The following TRMT44 variants were observed in gnomAD, a reference collection of about 807,000 sequenced individuals.
TRMT44 encodes the protein probable tRNA (uracil-O(2)-)-methyltransferase.
TRMT44 carries 78 observed loss-of-function variants against 77.3 expected under a neutral mutation model. That is an observed-to-expected ratio of 1.01 (90% CI 0.84 to 1.22). The LOEUF is 1.22. TRMT44 is among the 50% of genes most tolerant of loss of function. The pLI is 0.00. For missense variants in TRMT44, 1,090 were observed against 964.4 expected, an observed-to-expected ratio of 1.13 and a Z score of -1.73; for synonymous variants, 391 against 383.3, an observed-to-expected ratio of 1.02 and a Z score of -0.23.
chr4:8,487,862 C>G (rs1440679302), intron 2 of TRMT44, among the ~76,000 whole-genome samples: 3 of 152,148 alleles, frequency 2.0e-5, no homozygotes, highest in Non-Finnish European at 2.9e-5. Context: ...ACCTCTGAAA[C>G]CTGGGTGAAT....
At chr4:8,503,911 G>A in the TRMT44 span, among the ~76,000 whole-genome samples, 7 of 152,290 alleles carry the variant, frequency 4.6e-5, no homozygotes, top group Non-Finnish European at 7.4e-5. Flanking sequence ...GCCCTCACAC[G>A]CACCTCGGTG....
At position 8,451,375 on chromosome 4, in the gene TRMT44, A is replaced by G. The variant is rs1452243015; in HGVS notation, c.955-585A>G. 2.0e-5 allele frequency among the ~76,000 whole-genome samples: 3 copies of G among 152,296 alleles called. 1 individual carries two copies. The highest frequency in any genetic ancestry group is 4.8e-5 in the African/African-American group (2 of 41,558). ...GAAATTTCAACTTTTAACATTGGCC[A>G]TTGGTTTTTCCTGTTTTGCCTAATG... On this transcript the variant is annotated intron_variant, in intron 3 of 10. Transcript: ENST00000389737. The surrounding 1 kb of genome is among the most constrained non-coding windows in gnomAD (Gnocchi z 4.1).
chr4:8,475,806 A>G lies in TRMT44; in HGVS notation c.2079A>G (p.Arg693=), dbSNP rs1424363264. 6.2e-7 allele frequency: 1 copy of G among 1,614,032 alleles called. No individual in the cohort carries two copies. The highest frequency in any genetic ancestry group is 1.3e-5 in the African/African-American group (1 of 74,926). The change falls in exon 11 of 11, where the codon CGA becomes CGG. Residue 693 remains arginine (R), a synonymous_variant. Transcript: ENST00000389737. ...GGAGAGTTCACATCCGCGACTGGCG[A>G]GAGGAGACACTGTGGAAGACAAAGC... is the stretch of plus-strand genomic sequence containing the variant. The part of the protein sequence containing the change: ...VNGRVHIRDW[R]EETLWKTKQP...
rs1357679322 is a variant in TRMT44, at chr4:8,441,180, C to T, written c.358C>T (p.Pro120Ser). The change falls in exon 1 of 11, where the codon CCC becomes TCC. Residue 120 changes from proline (P) to serine (S), a missense_variant. Physicochemically the swap from Pro to Ser is moderately conservative, Grantham distance 74. Coordinates refer to ENST00000389737, the MANE Select transcript of TRMT44 (RefSeq NM_152544.3). ...GGCACAGAGGGAAGCCGCCTCAGTG[C>T]CCCTGAGGGACTCCGGGCACCCCGG... The part of the protein sequence containing the change: ...EEAQREAASV[P>S]LRDSGHPGHA... 1.3e-6 allele frequency: 2 copies of T among 1,533,168 alleles called. No individual in the cohort carries two copies. Among genetic ancestry groups the T allele is most frequent in the African/African-American group, 1.4e-5 (1 of 73,160 alleles). 95.0% of individuals were successfully genotyped at this position (1,533,168 alleles called of 1,614,324 possible).
At chr4:8,479,203 C>G (rs1050558770), downstream of TRMT44, 11 of 152,168 alleles carry the variant, frequency 7.2e-5, no homozygotes, top group African/African-American at 2.7e-4. Context: ...AAGCTGAGCC[C>G]TCTGCTGACT....
downstream of TRMT44, among the ~76,000 whole-genome samples, chr4:8,481,243 C>T (rs544757940): frequency 1.3e-5 from 2 of 152,360 alleles, no homozygotes; most frequent in South Asian, 4.1e-4. Context: ...AAGCTTCCCT[C>T]CCCTGCTCCG....
chr4:8,447,513 G>A (rs1031316197), intron 2 of TRMT44, among the ~76,000 whole-genome samples: 6 of 152,166 alleles, frequency 3.9e-5, no homozygotes, highest in Non-Finnish European at 8.8e-5. Context: ...GGGATGTGGC[G>A]AGAAGAGCAT....
In TRMT44 at chr4:8,441,449, T is replaced by G. The variant is rs1241587582; in HGVS notation, c.619+8T>G. Reference sequence around the variant, plus strand: ...GGGAAATAGTCGTGCAAGGTAAGAGTGTTTTGATAGTGGACGGATATGATT... The same window carrying G: ...GGGAAATAGTCGTGCAAGGTAAGAGGGTTTTGATAGTGGACGGATATGATT... On this transcript the variant is annotated splice_region_variant and intron_variant, in intron 1 of 10. Transcript: ENST00000389737. The G allele has an allele frequency of 9.4e-6, 14 of 1,495,614 alleles. No individual in the cohort carries two copies. The highest frequency in any genetic ancestry group is 1.2e-5 in the Non-Finnish European group (14 of 1,121,684). 92.6% of individuals were successfully genotyped at this position (1,495,614 alleles called of 1,614,324 possible). A position where few individuals can be genotyped will look rare whatever the true frequency, so the allele number is the denominator to read the frequency against.
intron 1 of TRMT44, among the ~76,000 whole-genome samples, chr4:8,445,283 C>T (rs1016563315): frequency 7.2e-5 from 11 of 152,264 alleles, no homozygotes; most frequent in East Asian, 1.9e-4. Context: ...TGGGCCATCA[C>T]GCCTGGTCCT....
At chr4:8,486,480 G>A (rs1436031822) in intron 2 of TRMT44, among the ~76,000 whole-genome samples, 14 of 152,038 alleles carry the variant, frequency 9.2e-5, no homozygotes, top group Non-Finnish European at 2.1e-4. Context: ...TTATTTATTG[G>A]ATTTTATTTA....
chr4:8,506,344 C>A, the TRMT44 span, among the ~76,000 whole-genome samples: 1 of 152,204 alleles, frequency 6.6e-6, no homozygotes, highest in Non-Finnish European at 1.5e-5. Flanking sequence ...TTCTCCTAAA[C>A]CCTCTGTTAC....
intron 7 of TRMT44, 137 bp from the exon 8 acceptor site, chr4:8,465,241 A>G: frequency 1.2e-6 from 1 of 840,464 alleles, no homozygotes; most frequent in South Asian, 1.7e-5. Context: ...ATATGCAACA[A>G]AAAGAAACAA....
chr4:8,467,695 G>A (rs1258402017), intron 8 of TRMT44, among the ~76,000 whole-genome samples: 1 of 152,182 alleles, frequency 6.6e-6, no homozygotes, highest in African/African-American at 2.4e-5. Flanking sequence ...TGGCCAGGCT[G>A]GTCTGAAACT....
rs1309449630 is a variant in TRMT44, at chr4:8,451,324, T to C, written c.955-636T>C. Among the ~76,000 whole-genome samples the C allele has an allele frequency of 6.6e-6, 1 of 152,236 alleles. No individual in the cohort carries two copies. Among genetic ancestry groups the C allele is most frequent in the African/African-American group, 2.4e-5 (1 of 41,444 alleles). Reference sequence around the variant, plus strand: ...TTCTAGTGGGATGGTTCATCTGTATTGTCTAAGGCGCTGTGACTGGAAATA... The same window carrying C: ...TTCTAGTGGGATGGTTCATCTGTATCGTCTAAGGCGCTGTGACTGGAAATA... On this transcript the variant is annotated intron_variant, in intron 3 of 10. Transcript: ENST00000389737. The surrounding 1 kb of genome is among the most constrained non-coding windows in gnomAD (Gnocchi z 4.1).
intron 8 of TRMT44, among the ~76,000 whole-genome samples, chr4:8,467,262 C>T (rs1726635822): frequency 6.6e-6 from 1 of 152,194 alleles, no homozygotes; most frequent in African/African-American, 2.4e-5. Flanking sequence ...GCATGTGCCC[C>T]CGCCGGGCGG....
At chr4:8,469,478 C>T (rs1726836446) in intron 9 of TRMT44, among the ~76,000 whole-genome samples, 1 of 152,206 alleles carries the variant, frequency 6.6e-6, no homozygotes, top group South Asian at 2.1e-4. Context: ...TTCCCACGTG[C>T]AGTAAACAGT....
rs1298134144 is a variant in TRMT44 at position 8,444,858 on chromosome 4, C to T, written c.620-1618C>T. 1.3e-5 allele frequency among the ~76,000 whole-genome samples: 2 copies of T among 152,172 alleles called. No homozygotes were observed. Among genetic ancestry groups the T allele is most frequent in the East Asian group, 1.9e-4 (1 of 5,204 alleles). Reference sequence around the variant, plus strand: ...TCATGTACCCTGTAAATATATATACCTGCTATGTACCCACAAAAATGAAAA... The same window carrying T: ...TCATGTACCCTGTAAATATATATACTTGCTATGTACCCACAAAAATGAAAA... On this transcript the variant is annotated intron_variant, in intron 1 of 10. Transcript: ENST00000389737. The surrounding 1 kb of genome is among the most constrained non-coding windows in gnomAD (Gnocchi z 4.0).
chr4:8,516,137 C>T, the TRMT44 span, among the ~76,000 whole-genome samples: 4 of 152,076 alleles, frequency 2.6e-5, no homozygotes, highest in Non-Finnish European at 5.9e-5. Flanking sequence ...GAACTCAGTG[C>T]GGCGCCCTCT....
chr4:8,514,693 C>T, the TRMT44 span, among the ~76,000 whole-genome samples: 1 of 152,180 alleles, frequency 6.6e-6, no homozygotes, highest in African/African-American at 2.4e-5. Context: ...TCATGTTCTA[C>T]AGTTTCTGAT....
Sources: allele counts gnomAD v4.1 joint callset (sites outside exome capture counted in the v4.1 genomes callset), GRCh38; gene constraint gnomAD v4.1.1; non-coding constraint Gnocchi (gnomAD v3.1); transcripts MANE v1.5; gene names NCBI Gene and HGNC (gene_info 2026-07-23, HGNC 2026-07-21).